USP21: variants seen among roughly 807,000 people sequenced by gnomAD.
USP21 encodes the protein ubiquitin carboxyl-terminal hydrolase 21.
Under a neutral mutation model 70.8 loss-of-function variants are expected in USP21, and 37 were observed. That is an observed-to-expected ratio of 0.52 (90% confidence interval 0.40 to 0.69). The LOEUF (loss-of-function observed/expected upper bound fraction) is 0.69. USP21 is among the 30% of genes least tolerant of loss of function. USP21 has a pLI of 0.00. For missense variants in USP21, 584 were observed against 740.8 expected (o/e 0.79, Z 2.46); for synonymous variants, 263 against 283.1 (o/e 0.93, Z 0.71).
rs572042812 is a variant in USP21 at position 161,164,362 on chromosome 1, G to A, written c.1305+112G>A. On this transcript the variant is annotated intron_variant, in intron 10 of 13. Coordinates refer to ENST00000368002, the MANE Select transcript of USP21 (RefSeq NM_001014443.3). This position sits in a 1 kb window ranked among gnomAD's most constrained non-coding sequence, Gnocchi z 4.2. ...TATGGGGAATAATATTTATGTATCT[G>A]GGTTTGTGTTGGAGTCTCAGATCTG... The A allele has an allele frequency of 2.2e-6, 3 of 1,350,126 alleles. No individual in the cohort carries two copies. In the Admixed American group the frequency reaches 5.5e-5, roughly 25 times the overall value. 83.6% of individuals were successfully genotyped at this position (1,350,126 alleles called of 1,614,324 possible).
Position 161,164,021 on chromosome 1 carries a change from C to T in USP21, c.1218+40C>T. On this transcript the variant is annotated intron_variant, in intron 9 of 13. Transcript: ENST00000368002. This position sits in a 1 kb window ranked among gnomAD's most constrained non-coding sequence, Gnocchi z 4.2. The stretch of plus-strand genomic sequence containing the variant: ...GATTCCGGGGTGGACAGGACAGGGG[C>T]TCTGTGACCCAAGCCTACCCACCCC... 6.2e-7 allele frequency: 1 copy of T among 1,603,254 alleles called. No homozygotes were observed.
Position 161,162,472 on chromosome 1 carries a change from C to T in USP21, c.781+82C>T, listed in dbSNP as rs1357140991. 2 of 1,552,944 alleles carry T rather than the reference C, an allele frequency of 1.3e-6. No homozygotes were observed. The highest frequency in any genetic ancestry group is 4.5e-5 in the East Asian group (2 of 44,408). On this transcript the variant is annotated intron_variant, in intron 5 of 13. Coordinates refer to ENST00000368002, the MANE Select transcript of USP21 (RefSeq NM_001014443.3). The surrounding 1 kb of genome is among the most constrained non-coding windows in gnomAD (Gnocchi z 4.1). ...AGGTCCATCTGCCACTGGTGGTGGC[C>T]CCCAACCCTTAAATCTGGCAGTTGT...
rs1232161408 is a variant in USP21 at position 161,162,587 on chromosome 1, T to C, written c.782-28T>C. 6.3e-7 allele frequency: 1 copy of C among 1,581,720 alleles called. No homozygotes were observed. Among genetic ancestry groups the C allele is most frequent in the Non-Finnish European group, 8.7e-7 (1 of 1,151,064 alleles). On this transcript the variant is annotated intron_variant, in intron 5 of 13. Transcript: ENST00000368002. The surrounding 1 kb of genome is among the most constrained non-coding windows in gnomAD (Gnocchi z 4.1). ...TGCCTCTTCCAGACATTAACCTTTG[T>C]TTGCCTTCCCCACTCCCATCCCAAC...
At chr1:161,163,456 T>G in intron 7 of USP21, 99 bp from the exon 8 acceptor site, 2 of 1,050,500 alleles carry the variant, frequency 1.9e-6, no homozygotes, top group Non-Finnish European at 2.9e-6. Flanking sequence ...GGGGTGTGGA[T>G]GGGGAGTAGG....
In USP21 at chr1:161,160,881, C is replaced by G. The variant is rs1014931023; in HGVS notation, c.241C>G (p.Pro81Ala). The G allele has an allele frequency of 9.3e-6, 15 of 1,614,224 alleles. No individual in the cohort carries two copies. Among genetic ancestry groups the G allele is most frequent in the Non-Finnish European group, 1.2e-5 (14 of 1,180,036 alleles). Reference sequence around the variant, plus strand: ...GACCTCAGGCCCTCGTCCCAGAGGCCCCCTTCGAGCAGATCATGGGGTTCC... The same window carrying G: ...GACCTCAGGCCCTCGTCCCAGAGGCGCCCTTCGAGCAGATCATGGGGTTCC... The part of the protein sequence containing the change: ...GRTSGPRPRG[P>A]LRADHGVPLP... The change falls in exon 3 of 14, where the codon CCC becomes GCC. Residue 81 changes from proline to alanine, a missense_variant. This residue lies in a region of USP21 where 284 missense variants were observed against 281.0 expected (regional missense o/e 1.01). Transcript: ENST00000368002.
rs905160197 is a variant in USP21, at chr1:161,161,324, T to A, written c.600+84T>A. 2 of 1,473,284 alleles carry A rather than the reference T, an allele frequency of 1.4e-6. No homozygotes were observed. Among genetic ancestry groups the A allele is most frequent in the Non-Finnish European group, 1.8e-6 (2 of 1,105,204 alleles). 91.3% of individuals were successfully genotyped at this position (1,473,284 alleles called of 1,614,324 possible). ...TCCTCTGCCTTTTCTGTCCCCCATT[T>A]CCCTGAAGTTCCTTTCTCAGCCCTT... On this transcript the variant is annotated intron_variant, in intron 3 of 13. Transcript: ENST00000368002. The surrounding 1 kb of genome is among the most constrained non-coding windows in gnomAD (Gnocchi z 4.2).
rs768007927 is a variant in USP21 at position 161,162,262 on chromosome 1, C to T, written c.661-8C>T. ...AGAGATAACAGCAGTGTCCCTACTG[C>T]TCCCCAGTGCTTCCTGAATGCTGTG... On this transcript the variant is annotated splice_polypyrimidine_tract_variant and splice_region_variant and intron_variant, in intron 4 of 13. Transcript: ENST00000368002. This position sits in a 1 kb window ranked among gnomAD's most constrained non-coding sequence, Gnocchi z 4.1. The T allele has an allele frequency of 1.3e-5, 21 of 1,606,622 alleles. No homozygotes were observed. Among genetic ancestry groups the T allele is most frequent in the South Asian group, 7.8e-5 (7 of 90,278 alleles).
rs1486409248 is a variant in USP21, at chr1:161,165,494, C to A, written c.*47C>A. On this transcript the variant is annotated 3_prime_UTR_variant, in exon 14 of 14. Coordinates refer to ENST00000368002, the MANE Select transcript of USP21 (RefSeq NM_001014443.3). ...GTGAAGCCCTTTAAACACCCTTAAG[C>A]CCCAGGCTCCCCGTTTACCTCAGAG... The A allele has an allele frequency of 1.4e-6, 2 of 1,414,360 alleles. No homozygotes were observed. Among genetic ancestry groups the A allele is most frequent in the Non-Finnish European group, 2.0e-6 (2 of 1,010,000 alleles). The allele number at this position is 1,414,360 out of a possible 1,614,324, so 87.6% of individuals were successfully genotyped here. A position where few individuals can be genotyped will look rare whatever the true frequency, so the allele number is the denominator to read the frequency against.
In USP21 at chr1:161,164,707, A is replaced by G; in HGVS notation, c.1384+95A>G. 6.2e-7 allele frequency: 1 copy of G among 1,604,024 alleles called. No homozygotes were observed. Among genetic ancestry groups the G allele is most frequent in the East Asian group, 2.2e-5 (1 of 44,690 alleles). On this transcript the variant is annotated intron_variant, in intron 11 of 13. Transcript: ENST00000368002. The surrounding 1 kb of genome is among the most constrained non-coding windows in gnomAD (Gnocchi z 4.2). ...AGAGAATTGAATTTTCCTTAGGAAA[A>G]GTCTGCCACCCACTTTTCCACAAGA...
In USP21 at chr1:161,162,445, G is replaced by T. The variant is rs1219842499; in HGVS notation, c.781+55G>T. On this transcript the variant is annotated intron_variant, in intron 5 of 13. Coordinates refer to ENST00000368002, the MANE Select transcript of USP21 (RefSeq NM_001014443.3). The surrounding 1 kb of genome is among the most constrained non-coding windows in gnomAD (Gnocchi z 4.1). ...CAAGTCCCTTTTTCCCCAACCACTTGCAGGTCCATCTGCCACTGGTGGTGG... is the reference window on the plus strand; with the variant it reads ...CAAGTCCCTTTTTCCCCAACCACTTTCAGGTCCATCTGCCACTGGTGGTGG... 1.3e-6 allele frequency: 2 copies of T among 1,567,674 alleles called. No individual in the cohort carries two copies. The highest frequency in any genetic ancestry group is 1.7e-6 in the Non-Finnish European group (2 of 1,155,088).
chr1:161,163,456 TGGGGAGTAGGG>T, intron 7 of USP21, 88 bp from the exon 8 acceptor site: 2 of 1,050,414 alleles, frequency 1.9e-6, no homozygotes, highest in Admixed American at 1.9e-5. Context: ...GGGGTGTGGA[TGGGGAGTAGGG>T]CTCTGTAGGT....
chr1:161,164,534 G>A lies in USP21; in HGVS notation c.1306G>A (p.Val436Met), dbSNP rs145866434. 1.2e-6 allele frequency: 2 copies of A among 1,614,154 alleles called. No homozygotes were observed. The highest frequency in any genetic ancestry group is 1.7e-6 in the Non-Finnish European group (2 of 1,180,030). Residue 436 changes from valine (V) to methionine (M), a missense_variant and splice_region_variant, in exon 11 of 14, where the codon GTG (valine) becomes ATG (methionine). Physicochemically the swap from Val to Met is conservative, Grantham distance 21 (BLOSUM62 1). Around this residue, in one of 4 missense-constraint regions of USP21, gnomAD observed 173 missense variants for 268.2 expected, o/e 0.65. Coordinates refer to ENST00000368002, the MANE Select transcript of USP21 (RefSeq NM_001014443.3). The surrounding 1 kb of genome is among the most constrained non-coding windows in gnomAD (Gnocchi z 4.2). ...CTAACACTGTTTGCCATTTATTCAG[G>A]TGTGTGACCGATGTCGGCAGAAAAC... is the stretch of plus-strand genomic sequence containing the variant. ...EEELESENAP[V>M]CDRCRQKTRS...
chr1:161,162,572 A>G lies in USP21; in HGVS notation c.782-43A>G. 3.2e-6 allele frequency: 5 copies of G among 1,558,598 alleles called. No homozygotes were observed. The highest frequency in any genetic ancestry group is 4.4e-6 in the Non-Finnish European group (5 of 1,130,322). Reference sequence around the variant, plus strand: ...GAGCCACCTTTTGCTTGCCTCTTCCAGACATTAACCTTTGTTTGCCTTCCC... The same window carrying G: ...GAGCCACCTTTTGCTTGCCTCTTCCGGACATTAACCTTTGTTTGCCTTCCC... On this transcript the variant is annotated intron_variant, in intron 5 of 13. Transcript: ENST00000368002. The surrounding 1 kb of genome is among the most constrained non-coding windows in gnomAD (Gnocchi z 4.1).
In USP21 at chr1:161,161,748, G is replaced by C; in HGVS notation, c.601-290G>C. The C allele has an allele frequency of 2.0e-6, 1 of 502,708 alleles. No individual in the cohort carries two copies. The highest frequency in any genetic ancestry group is 3.6e-6 in the Non-Finnish European group (1 of 278,868). 31.1% of individuals were successfully genotyped at this position (502,708 alleles called of 1,614,324 possible). On this transcript the variant is annotated intron_variant, in intron 3 of 13. Coordinates refer to ENST00000368002, the MANE Select transcript of USP21 (RefSeq NM_001014443.3). This position sits in a 1 kb window ranked among gnomAD's most constrained non-coding sequence, Gnocchi z 4.2. ...TGGTGAGCAGCTGGGCAACCATGCC[G>C]GTGCTGGGGGAGTTGCCCCAGGAGC... is the stretch of plus-strand genomic sequence containing the variant.
Position 161,163,861 on chromosome 1 carries a change from C to A in USP21, c.1115-17C>A, listed in dbSNP as rs1420043764. ...TCCAACAATGACCTTTTCTCCTGTC[C>A]CTGTGCTTCTGTCTAGACCTGTTTG... On this transcript the variant is annotated splice_polypyrimidine_tract_variant and intron_variant, in intron 8 of 13. Coordinates refer to ENST00000368002, the MANE Select transcript of USP21 (RefSeq NM_001014443.3). 1 of 1,606,192 alleles carries A rather than the reference C, an allele frequency of 6.2e-7. No homozygotes were observed. Among genetic ancestry groups the A allele is most frequent in the Admixed American group, 1.7e-5 (1 of 59,990 alleles).
chr1:161,162,369 C>T lies in USP21; in HGVS notation c.760C>T (p.Arg254Ter), dbSNP rs758599365. ...DFRQEVPGGG[R>*]AQELTEAFAD... ...CCGGCAAGAGGTGCCTGGAGGAGGCCGAGCCCAAGAGCTCACTGAAGGTGG... is the reference window on the plus strand; with the variant it reads ...CCGGCAAGAGGTGCCTGGAGGAGGCTGAGCCCAAGAGCTCACTGAAGGTGG... The change falls in exon 5 of 14, where the codon CGA (arginine) becomes TGA (stop). Residue 254 changes from arginine (R) to a stop codon, truncating the protein, a stop_gained. Coordinates refer to ENST00000368002, the MANE Select transcript of USP21 (RefSeq NM_001014443.3). LOFTEE classifies it high-confidence loss of function. The surrounding 1 kb of genome is among the most constrained non-coding windows in gnomAD (Gnocchi z 4.1). The T allele has an allele frequency of 1.2e-6, 2 of 1,611,830 alleles. No homozygotes were observed. Among genetic ancestry groups the T allele is most frequent in the Non-Finnish European group, 1.7e-6 (2 of 1,178,882 alleles).
intron 7 of USP21, 41 bp downstream of exon 7, chr1:161,163,115 C>T: frequency 6.5e-7 from 1 of 1,546,198 alleles, no homozygotes. Context: ...CGTAGTTTAT[C>T]AGCATCATTC....
In USP21 at chr1:161,160,615, C is replaced by T; in HGVS notation, c.-21-5C>T. ...TCAAATGCTGACACTCTCTTCTCCT[C>T]CCAGGTCCAGCCTGTGGTGTCCACA... On this transcript the variant is annotated splice_region_variant and splice_polypyrimidine_tract_variant and intron_variant, in intron 2 of 13. Transcript: ENST00000368002. 1.9e-6 allele frequency: 3 copies of T among 1,599,574 alleles called. No homozygotes were observed. Among genetic ancestry groups the T allele is most frequent in the South Asian group, 1.1e-5 (1 of 90,472 alleles).
chr1:161,162,788 G>A lies in USP21; in HGVS notation c.893+62G>A. 1 of 1,565,580 alleles carries A rather than the reference G, an allele frequency of 6.4e-7. No homozygotes were observed. Among genetic ancestry groups the A allele is most frequent in the Non-Finnish European group, 8.8e-7 (1 of 1,136,336 alleles). On this transcript the variant is annotated intron_variant, in intron 6 of 13. Transcript: ENST00000368002. This position sits in a 1 kb window ranked among gnomAD's most constrained non-coding sequence, Gnocchi z 4.1. ...CATGTCTGGGGGTAGGGCCAAGCAA[G>A]GGCCCTGGCAGCATTGTTCTGAGCC...
Sources: gnomAD v4.1 joint callset for allele counts on GRCh38, gnomAD v4.1.1 for gene constraint, gnomAD v4.1.1 regional missense constraint, Gnocchi (gnomAD v3.1) non-coding constraint, MANE v1.5 for transcripts, NCBI Gene and HGNC (gene_info 2026-07-23, HGNC 2026-07-21) for gene names.